Variants in ZC3H8 observed in about 807,000 individuals in gnomAD.
The protein encoded by ZC3H8 is zinc finger CCCH-type containing 8, also known as zinc finger CCCH domain-containing protein 8.
Under a neutral mutation model 42.5 loss-of-function variants are expected in ZC3H8, and 27 were observed. That is an observed-to-expected ratio of 0.64 (90% CI 0.47 to 0.88). The LOEUF (loss-of-function observed/expected upper bound fraction) is 0.88. Ranked by LOEUF, ZC3H8 falls within the 40% of genes least tolerant of loss-of-function variation. The probability of loss-of-function intolerance (pLI) is 0.00; values close to 1 mark genes in which losing one functional copy is unlikely to be tolerated. For missense variants in ZC3H8, 277 were observed against 336.1 expected (o/e 0.82, Z 1.37); for synonymous variants, 101 against 110.1 (o/e 0.92, Z 0.52).
chr2:112,253,395 A>G (rs926328869), intron 1 of ZC3H8, among the ~76,000 whole-genome samples: 2 of 152,180 alleles, frequency 1.3e-5, no homozygotes, highest in Non-Finnish European at 1.5e-5. Context: ...TATTCCCATC[A>G]CAAATTACTC....
In ZC3H8 at chr2:112,215,944, AC is replaced by A. The variant is rs1230349499; in HGVS notation, c.*539del. 1 of 152,226 alleles carries A rather than the reference AC, an allele frequency of 6.6e-6. No homozygotes were observed. Among genetic ancestry groups the A allele is most frequent in the Non-Finnish European group, 1.5e-5 (1 of 68,032 alleles). The allele number at this position is 152,226 out of a possible 1,614,324, so 9.4% of individuals were successfully genotyped here. On this transcript the variant is annotated 3_prime_UTR_variant, in exon 9 of 9. Transcript: ENST00000409573. ...GGAAACAAATGTCTAACAATAGGAA[AC>A]TGGTTTAAAAAAATCATAGAACCAT...
chr2:112,242,562 CA>C (rs1457668657), intron 2 of ZC3H8, among the ~76,000 whole-genome samples: 1 of 152,096 alleles, frequency 6.6e-6, no homozygotes, highest in Admixed American at 6.5e-5. Flanking sequence ...CATCAAAACA[CA>C]AAAAGCAAAC....
intron 2 of ZC3H8, among the ~76,000 whole-genome samples, chr2:112,239,152 C>T (rs1685475238): frequency 6.6e-6 from 1 of 152,198 alleles, no homozygotes; most frequent in Admixed American, 6.5e-5. Flanking sequence ...GTTGCACGTG[C>T]CCAAGGCAAG....
At chr2:112,248,004 G>A (rs1020819530) in intron 2 of ZC3H8, among the ~76,000 whole-genome samples, 15 of 152,226 alleles carry the variant, frequency 9.9e-5, no homozygotes, top group Admixed American at 3.9e-4. Flanking sequence ...TACTGTACCT[G>A]CTTTATCATC....
At chr2:112,233,206 T>G (rs1685166966) in intron 6 of ZC3H8, 54 bp downstream of exon 6, 1 of 1,293,228 alleles carries the variant, frequency 7.7e-7, no homozygotes, top group African/African-American at 1.5e-5. Context: ...TTTGCACATT[T>G]AAAATGTTCA....
At chr2:112,220,540 G>A (rs1177992195) in intron 8 of ZC3H8, among the ~76,000 whole-genome samples, 1 of 152,120 alleles carries the variant, frequency 6.6e-6, no homozygotes, top group Non-Finnish European at 1.5e-5. Context: ...CCCTTTGTAG[G>A]GCTGGGCGCG....
intron 8 of ZC3H8, among the ~76,000 whole-genome samples, chr2:112,220,790 C>CA (rs1429303807): frequency 2.2e-4 from 33 of 152,312 alleles, no homozygotes; most frequent in African/African-American, 7.7e-4. Context: ...CATTGCACTT[C>CA]AGCCTGAGCA....
chr2:112,250,236 T>G lies in ZC3H8; in HGVS notation c.111A>C (p.Thr37=). The part of the protein sequence containing the change: ...DDEIDTEVEE[T]QEEKIKLECE... Reference sequence around the variant, plus strand: ...ACTCCAGTTTAATTTTCTCTTCTTGTGTTTCTTCAACTTCTGTATCTATTT... The same window carrying G: ...ACTCCAGTTTAATTTTCTCTTCTTGGGTTTCTTCAACTTCTGTATCTATTT... The change falls in exon 2 of 9, where the codon ACA becomes ACC. Residue 37 remains threonine, a synonymous_variant. Coordinates refer to ENST00000409573, the MANE Select transcript of ZC3H8 (RefSeq NM_032494.3). 1.9e-6 allele frequency: 3 copies of G among 1,566,254 alleles called. No homozygotes were observed. Among genetic ancestry groups the G allele is most frequent in the Non-Finnish European group, 1.7e-6 (2 of 1,154,156 alleles).
chr2:112,223,658 A>G lies in ZC3H8; in HGVS notation c.*16-7190T>C, dbSNP rs570090662. Among the ~76,000 whole-genome samples, 56 of 152,340 alleles carry G rather than the reference A, an allele frequency of 3.7e-4. No homozygotes were observed. In the South Asian group the frequency reaches 0.011, roughly 30 times the overall value. On this transcript the variant is annotated intron_variant, in intron 8 of 8. Transcript: ENST00000409573. The stretch of plus-strand genomic sequence containing the variant: ...TGCTGAGAAAGAAGAAATGCTAACA[A>G]TCAATCTTTGGGCAAAATAAGCCCA...
chr2:112,247,460 TC>T (rs1685800787), intron 2 of ZC3H8, among the ~76,000 whole-genome samples: 1 of 152,174 alleles, frequency 6.6e-6, no homozygotes, highest in African/African-American at 2.4e-5. Flanking sequence ...GCACCTGTAT[TC>T]CCAACTACTC....
chr2:112,220,494 G>C (rs1684534637), intron 8 of ZC3H8, among the ~76,000 whole-genome samples: 1 of 152,092 alleles, frequency 6.6e-6, no homozygotes, highest in South Asian at 2.1e-4. Context: ...TGGCTTGTAG[G>C]GTTGCTGCTG....
Position 112,254,937 on chromosome 2 carries a change from G to T in ZC3H8, c.45C>A (p.Leu15=), listed in dbSNP as rs1456518619. ...CGTCAGAGTCCGTGGCCGTTTTGCC[G>T]AGGGCCGGGTTGGGGGGTTTTGAGA... ...NLFSKPPNPA[L]GKTATDSDER... Residue 15 remains leucine (L), a synonymous_variant, in exon 1 of 9, where the codon CTC becomes CTA. Coordinates refer to ENST00000409573, the MANE Select transcript of ZC3H8 (RefSeq NM_032494.3). 3.1e-6 allele frequency: 5 copies of T among 1,613,434 alleles called. No individual in the cohort carries two copies. Among genetic ancestry groups the T allele is most frequent in the Non-Finnish European group, 4.2e-6 (5 of 1,179,634 alleles).
At chr2:112,225,163 A>T (rs945496557) in intron 8 of ZC3H8, among the ~76,000 whole-genome samples, 1 of 152,188 alleles carries the variant, frequency 6.6e-6, no homozygotes, top group African/African-American at 2.4e-5. Flanking sequence ...TAACTCTAGT[A>T]GGTTTTATTT....
intron 2 of ZC3H8, among the ~76,000 whole-genome samples, chr2:112,249,214 C>A (rs1327687024): frequency 6.6e-6 from 1 of 152,068 alleles, no homozygotes; most frequent in Non-Finnish European, 1.5e-5. Context: ...GAAATTCAGA[C>A]AATTCAGACA....
intron 8 of ZC3H8, among the ~76,000 whole-genome samples, chr2:112,230,395 A>C (rs775284756): frequency 3.1e-4 from 47 of 152,330 alleles, no homozygotes; most frequent in Middle Eastern, 3.4e-3. Context: ...AAGTATGTAT[A>C]TGGATATTTA....
At chr2:112,230,273 A>C (rs577220835) in intron 8 of ZC3H8, among the ~76,000 whole-genome samples, 1 of 152,334 alleles carries the variant, frequency 6.6e-6, no homozygotes, top group South Asian at 2.1e-4. Context: ...TTGTAGGAGT[A>C]TAAACTGGTA....
At position 112,234,215 on chromosome 2, in the gene ZC3H8, G is replaced by C; in HGVS notation, c.526C>G (p.Gln176Glu). The C allele has an allele frequency of 1.9e-6, 3 of 1,607,134 alleles. No individual in the cohort carries two copies. The highest frequency in any genetic ancestry group is 2.5e-6 in the Non-Finnish European group (3 of 1,177,550). Residue 176 changes from glutamine (Q) to glutamate (E), a missense_variant, in exon 5 of 9, where the codon CAG becomes GAG. Physicochemically the swap from Gln to Glu is conservative, Grantham distance 29. Transcript: ENST00000409573. ...ATGAATGCCTGACTCAAATGCTGCT[G>C]CTTCTCTTTAGGTTTACCATCCTTT... ...QEEDGKPKEKQQHLSQAFINQ... is the reference protein window; with the variant it reads ...QEEDGKPKEKEQHLSQAFINQ...
At chr2:112,225,003 C>T (rs1684755415) in intron 8 of ZC3H8, among the ~76,000 whole-genome samples, 2 of 152,152 alleles carry the variant, frequency 1.3e-5, no homozygotes, top group African/African-American at 4.8e-5. Context: ...TACAAGTGTA[C>T]ACCTTTTTAA....
At chr2:112,231,767 A>C (rs1054186506) in intron 7 of ZC3H8, 71 bp downstream of exon 7, 8 of 948,178 alleles carry the variant, frequency 8.4e-6, no homozygotes, top group African/African-American at 3.3e-5. Context: ...ATTATCTTCA[A>C]ATTCTCATCC....
Sources: gnomAD v4.1 joint callset for allele counts (sites outside exome capture counted in the v4.1 genomes callset) on GRCh38, gnomAD v4.1.1 for gene constraint, MANE v1.5 for transcripts, NCBI Gene and HGNC (gene_info 2026-07-23, HGNC 2026-07-21) for gene names.